The following IGFL2 variants were observed in gnomAD, a reference collection of about 807,000 sequenced individuals.
IGFL2 encodes the protein IGF like family member 2, also known as insulin growth factor-like family member 2.
Under a neutral mutation model 13.9 loss-of-function variants are expected in IGFL2, and 7 were observed. That is an observed-to-expected ratio of 0.51 (90% CI 0.29 to 0.95). The LOEUF is 0.95. IGFL2 is among the 40% of genes least tolerant of loss of function. The probability of loss-of-function intolerance (pLI) is 0.08; values close to 1 mark genes in which losing one functional copy is unlikely to be tolerated. For synonymous variants in IGFL2, 55 were observed against 55.8 expected (o/e 0.99, Z 0.07); for missense variants, 138 against 147.8 (o/e 0.93, Z 0.34).
the IGFL2 span, chr19:46,112,241 T>C: frequency 4.6e-5 from 7 of 152,256 alleles, no homozygotes; most frequent in Non-Finnish European, 1.5e-5. Context: ...TTCTTTGTTG[T>C]GCTTCACATT....
the IGFL2 span, chr19:46,137,506 G>T: frequency 1.8e-6 from 2 of 1,130,096 alleles, no homozygotes; most frequent in Non-Finnish European, 1.3e-6. Flanking sequence ...TCCTTCTCTT[G>T]CCTGAGCCAG....
At chr19:46,085,060 ATTG>A in the IGFL2 span, among the ~76,000 whole-genome samples, 1 of 152,220 alleles carries the variant, frequency 6.6e-6, no homozygotes, top group Non-Finnish European at 1.5e-5. Flanking sequence ...GAGTACAGCT[ATTG>A]GGTCGCTCTC....
chr19:46,119,840 G>C, the IGFL2 span, among the ~76,000 whole-genome samples: 2 of 150,750 alleles, frequency 1.3e-5, no homozygotes, highest in East Asian at 3.9e-4. Context: ...GCAGGAGCCC[G>C]GGTAGGTGTG....
the IGFL2 span, among the ~76,000 whole-genome samples, chr19:46,177,398 A>G: frequency 1.3e-5 from 2 of 152,192 alleles, no homozygotes; most frequent in Non-Finnish European, 2.9e-5. Context: ...GTCTCAAAAC[A>G]ATATACAGAT....
At chr19:46,085,661 A>G in the IGFL2 span, among the ~76,000 whole-genome samples, 3 of 152,144 alleles carry the variant, frequency 2.0e-5, no homozygotes, top group South Asian at 4.1e-4. Flanking sequence ...TGATCCTGTC[A>G]TCATGTTGTT....
chr19:46,141,197 A>G (rs1303498345), upstream of IGFL2, among the ~76,000 whole-genome samples: 2 of 152,232 alleles, frequency 1.3e-5, no homozygotes, highest in East Asian at 1.9e-4. Flanking sequence ...GTGTGGAACA[A>G]AAGAACAGTC....
chr19:46,083,191 G>C, the IGFL2 span, among the ~76,000 whole-genome samples: 232 of 152,288 alleles, frequency 1.5e-3, 1 homozygote, highest in African/African-American at 4.9e-3. Flanking sequence ...TTCCAGGGCT[G>C]TTACTGACTG....
the IGFL2 span, among the ~76,000 whole-genome samples, chr19:46,184,433 G>A: frequency 1.3e-5 from 2 of 151,366 alleles, no homozygotes; most frequent in South Asian, 2.1e-4. Flanking sequence ...CCCCACCCCC[G>A]ACAGGCTCCG....
chr19:46,192,671 G>A, the IGFL2 span, among the ~76,000 whole-genome samples: 4 of 151,724 alleles, frequency 2.6e-5, no homozygotes, highest in South Asian at 2.1e-4. Flanking sequence ...CACCCACCTC[G>A]GCCTCCCAAA....
At chr19:46,124,715 C>A in the IGFL2 span, 1 of 1,392,376 alleles carries the variant, frequency 7.2e-7, no homozygotes, top group South Asian at 1.2e-5. Flanking sequence ...TGGAGACAGC[C>A]TAAATGGGGT....
At chr19:46,151,432 GTTAGTT>G (rs886901634) in intron 1 of IGFL2, among the ~76,000 whole-genome samples, 9 of 152,188 alleles carry the variant, frequency 5.9e-5, no homozygotes, top group Non-Finnish European at 1.0e-4. Flanking sequence ...TTTTCTGACT[GTTAGTT>G]TTATTCATTG....
chr19:46,196,922 A>G, the IGFL2 span: 1 of 162,152 alleles, frequency 6.2e-6, no homozygotes, highest in East Asian at 1.7e-4. Context: ...AGGTGAGCCC[A>G]GGAAGGGCTG....
At chr19:46,154,695 C>T (rs199528377) in intron 1 of IGFL2, among the ~76,000 whole-genome samples, 39 of 152,060 alleles carry the variant, frequency 2.6e-4, no homozygotes, top group African/African-American at 9.2e-4. Context: ...GTCATCTGCC[C>T]GCCTCAGCCT....
chr19:46,092,036 T>G, the IGFL2 span, among the ~76,000 whole-genome samples: 1 of 152,256 alleles, frequency 6.6e-6, no homozygotes, highest in Admixed American at 6.5e-5. Flanking sequence ...TCACATTTGG[T>G]AAACATTTTT....
At chr19:46,103,330 T>A in the IGFL2 span, among the ~76,000 whole-genome samples, 7 of 152,130 alleles carry the variant, frequency 4.6e-5, no homozygotes, top group African/African-American at 1.7e-4. Flanking sequence ...CAACAATCGT[T>A]TGTTAAAGAA....
At chr19:46,093,005 A>T in the IGFL2 span, among the ~76,000 whole-genome samples, 1 of 152,332 alleles carries the variant, frequency 6.6e-6, no homozygotes, top group Non-Finnish European at 1.5e-5. Flanking sequence ...ATGATAAATA[A>T]TTTTTAACTA....
chr19:46,175,911 C>T, the IGFL2 span, among the ~76,000 whole-genome samples: 1 of 148,970 alleles, frequency 6.7e-6, no homozygotes. Flanking sequence ...GGCACAATCT[C>T]GGCTCACTGC....
upstream of IGFL2, among the ~76,000 whole-genome samples, chr19:46,138,441 G>A (rs574959515): frequency 1.7e-4 from 26 of 152,318 alleles, no homozygotes; most frequent in African/African-American, 5.1e-4. Flanking sequence ...ACACTCCAAC[G>A]TGGGGTGTTG....
At chr19:46,198,036 T>G in the IGFL2 span, 6 of 90,388 alleles carry the variant, frequency 6.6e-5, no homozygotes, top group African/African-American at 2.3e-4. Context: ...CCTTCCTTCC[T>G]TCCTTCCTGC....
Sources: gnomAD v4.1 joint callset for allele counts (sites outside exome capture counted in the v4.1 genomes callset) on GRCh38, gnomAD v4.1.1 for gene constraint, MANE v1.5 for transcripts, NCBI Gene and HGNC (gene_info 2026-07-23, HGNC 2026-07-21) for gene names.